The following DCC variants were observed in gnomAD, a reference collection of about 807,000 sequenced individuals.
DCC encodes the protein DCC netrin 1 receptor.
A neutral mutation model predicts 172.5 loss-of-function variants in DCC; 58 were observed. That is an observed-to-expected ratio of 0.34 (90% CI 0.27 to 0.42). The LOEUF is 0.42. DCC is among the 10% of genes least tolerant of loss of function. The pLI is 1.00. For synonymous variants in DCC, 709 were observed against 644.5 expected (o/e 1.10, Z -1.52); for missense variants, 1,740 against 1,791.0 (o/e 0.97, Z 0.51).
intron 1 of DCC, among the ~76,000 whole-genome samples, chr18:52,685,329 T>C (rs2035813915): frequency 6.6e-6 from 1 of 152,138 alleles, no homozygotes; most frequent in Non-Finnish European, 1.5e-5. Flanking sequence ...ATTGATCATT[T>C]CTCTTTAAAG....
At chr18:52,757,716 TA>T (rs1405038794) in intron 2 of DCC, among the ~76,000 whole-genome samples, 1 of 152,164 alleles carries the variant, frequency 6.6e-6, no homozygotes, top group Admixed American at 6.5e-5. Flanking sequence ...ATTTTAACAT[TA>T]AAACCACTGA....
intron 12 of DCC, among the ~76,000 whole-genome samples, chr18:53,220,821 A>C (rs6508210): frequency 0.5 from 75,864 of 151,696 alleles, 20,021 homozygotes; most frequent in African/African-American, 0.56. Flanking sequence ...GGTGATTTTT[A>C]AGCATAGATA....
At chr18:53,363,604 G>A (rs540155385) in intron 15 of DCC, among the ~76,000 whole-genome samples, 5 of 152,094 alleles carry the variant, frequency 3.3e-5, no homozygotes, top group African/African-American at 9.6e-5. Context: ...ACACACATAT[G>A]GTCGCTTTGA....
chr18:52,916,042 AAGC>A (rs2040033853), intron 3 of DCC, among the ~76,000 whole-genome samples: 1 of 152,068 alleles, frequency 6.6e-6, no homozygotes, highest in African/African-American at 2.4e-5. Context: ...GTCCATGAAA[AAGC>A]AGTGAAAATT....
chr18:53,452,693 T>G (rs1157307860), intron 23 of DCC, among the ~76,000 whole-genome samples: 1 of 152,142 alleles, frequency 6.6e-6, no homozygotes, highest in Non-Finnish European at 1.5e-5. Context: ...CCAAGAACAG[T>G]TAGTTGTAGA....
At chr18:52,669,362 T>A (rs571733029) in intron 1 of DCC, among the ~76,000 whole-genome samples, 1 of 152,212 alleles carries the variant, frequency 6.6e-6, no homozygotes, top group Non-Finnish European at 1.5e-5. Context: ...TTGTGGCTAA[T>A]TTGTTATTCC....
At chr18:53,144,101 CTT>C (rs1382165625) in intron 7 of DCC, among the ~76,000 whole-genome samples, 1 of 152,146 alleles carries the variant, frequency 6.6e-6, no homozygotes, top group Admixed American at 6.5e-5. Flanking sequence ...ACCTTCTTCT[CTT>C]TGAATAGGTT....
intron 15 of DCC, among the ~76,000 whole-genome samples, chr18:53,363,919 C>T (rs1484589804): frequency 6.6e-6 from 1 of 152,036 alleles, no homozygotes; most frequent in Non-Finnish European, 1.5e-5. Flanking sequence ...GAGATACATA[C>T]CAGAGGTGCA....
intron 5 of DCC, among the ~76,000 whole-genome samples, chr18:52,988,317 TAAAAC>T (rs2041328594): frequency 1.3e-5 from 2 of 152,092 alleles, no homozygotes; most frequent in African/African-American, 2.4e-5. Flanking sequence ...TAAACAGAGA[TAAAAC>T]AAAGTCCATG....
intron 1 of DCC, among the ~76,000 whole-genome samples, chr18:52,607,455 A>C (rs1352361131): frequency 6.6e-6 from 1 of 152,156 alleles, no homozygotes. Flanking sequence ...GGTAATGAGC[A>C]AATTCAAAGT....
At chr18:53,468,363 T>TTTATTTATTTTTA (rs1555675962) in intron 25 of DCC, among the ~76,000 whole-genome samples, 18 of 54,722 alleles carry the variant, frequency 3.3e-4, no homozygotes, top group Admixed American at 8.9e-4. Context: ...TATTTATTTA[T>TTTATTTATTTTTA]TTTATTTATT....
intron 2 of DCC, among the ~76,000 whole-genome samples, chr18:52,764,203 T>C (rs1166883786): frequency 1.3e-5 from 2 of 152,224 alleles, no homozygotes; most frequent in African/African-American, 4.8e-5. Context: ...AGAGCTGGGT[T>C]CTTCTTAACT....
intron 1 of DCC, among the ~76,000 whole-genome samples, chr18:52,641,655 C>T (rs1280046586): frequency 6.6e-6 from 1 of 151,988 alleles, no homozygotes; most frequent in Non-Finnish European, 1.5e-5. Context: ...CAAATCAAAA[C>T]CACAATGCAA....
intron 1 of DCC, among the ~76,000 whole-genome samples, chr18:52,667,951 G>T (rs1421936332): frequency 6.6e-6 from 1 of 151,830 alleles, no homozygotes; most frequent in East Asian, 1.9e-4. Context: ...AAAGAAAGAA[G>T]ACATGTCAGC....
chr18:52,535,573 G>A (rs2032265455), intron 1 of DCC, among the ~76,000 whole-genome samples: 1 of 152,094 alleles, frequency 6.6e-6, no homozygotes, highest in Non-Finnish European at 1.5e-5. Context: ...AAAATATACT[G>A]TCCAATAAAA....
chr18:53,492,611 G>A (rs1161621494), intron 26 of DCC, among the ~76,000 whole-genome samples: 1 of 152,144 alleles, frequency 6.6e-6, no homozygotes, highest in Non-Finnish European at 1.5e-5. Context: ...AGATCAGATG[G>A]TTGTAGATGT....
At chr18:52,527,123 G>C (rs1787733) in intron 1 of DCC, among the ~76,000 whole-genome samples, 1 of 152,146 alleles carries the variant, frequency 6.6e-6, no homozygotes, top group East Asian at 1.9e-4. Context: ...GATTAACAAA[G>C]AGCCACATTA....
chr18:52,825,969 C>T (rs2038502136), intron 2 of DCC, among the ~76,000 whole-genome samples: 1 of 152,182 alleles, frequency 6.6e-6, no homozygotes, highest in African/African-American at 2.4e-5. Context: ...ACAGGAAATC[C>T]ATAAGCCAAA....
chr18:52,416,432 A>G (rs1316579560), intron 1 of DCC, among the ~76,000 whole-genome samples: 1 of 151,952 alleles, frequency 6.6e-6, no homozygotes, highest in East Asian at 1.9e-4. Context: ...TGTTCTTGTT[A>G]ACTTTCTGTC....
Sources: gnomAD v4.1 joint callset for allele counts (sites outside exome capture counted in the v4.1 genomes callset) on GRCh38, gnomAD v4.1.1 for gene constraint, MANE v1.5 for transcripts, NCBI Gene and HGNC (gene_info 2026-07-23, HGNC 2026-07-21) for gene names.